AMZ1: variants seen among roughly 807,000 people sequenced by gnomAD.
AMZ1 encodes archaemetzincin-1.
In AMZ1, 39 loss-of-function variants were observed where a neutral mutation model predicts 29.9. That is an observed-to-expected ratio of 1.30 (90% confidence interval 1.01 to 1.70). The LOEUF (loss-of-function observed/expected upper bound fraction) is 1.70. Ranked by LOEUF, AMZ1 falls within the 40% of genes most tolerant of loss-of-function variation. The probability of loss-of-function intolerance (pLI) is 0.00; values close to 1 mark genes in which losing one functional copy is unlikely to be tolerated. For synonymous variants in AMZ1, 458 were observed against 304.0 expected, an observed-to-expected ratio of 1.51 and a Z score of -5.27; for missense variants, 1,041 against 680.6, an observed-to-expected ratio of 1.53 and a Z score of -5.89.
In AMZ1 at chr7:2,731,217, G is replaced by C; in HGVS notation, n.550+21401G>C. ...TGATGTCCTTCAGGTTCTCCTGCAG[G>C]ATGGTGTCTTTCACAGCATGGAACA... On this transcript the variant is annotated intron_variant and non_coding_transcript_variant, in intron 4 of 4. Transcript: ENST00000489665. The surrounding 1 kb of genome is among the most constrained non-coding windows in gnomAD (Gnocchi z 6.0). 6.2e-7 allele frequency: 1 copy of C among 1,613,180 alleles called. No individual in the cohort carries two copies. The highest frequency in any genetic ancestry group is 8.5e-7 in the Non-Finnish European group (1 of 1,179,586).
downstream of AMZ1, among the ~76,000 whole-genome samples, chr7:2,720,666 G>A (rs1789380184): frequency 6.6e-6 from 1 of 151,918 alleles, no homozygotes; most frequent in Non-Finnish European, 1.5e-5. Context: ...CTCCCAAAAT[G>A]CTGGGATTAT....
rs11769575 is a variant in AMZ1, at chr7:2,714,033, T to G, written c.*1155T>G. 19,545 of 152,258 alleles carry G rather than the reference T, an allele frequency of 0.13. 1,298 individuals carry two copies. The highest frequency in any genetic ancestry group is 0.16 in the South Asian group (776 of 4,830). 9.4% of individuals were successfully genotyped at this position (152,258 alleles called of 1,614,324 possible). ...TTTGCTTCCTGCACTTTGAAGCTCC[T>G]TTACGTCCCTGCACATTTGATTGTT... On this transcript the variant is annotated 3_prime_UTR_variant, in exon 7 of 7. Coordinates refer to ENST00000683327, the MANE Select transcript of AMZ1 (RefSeq NM_001384743.1).
intron 4 of AMZ1, among the ~76,000 whole-genome samples, chr7:2,734,603 T>A (rs1269107114): frequency 6.6e-6 from 1 of 152,214 alleles, no homozygotes; most frequent in Admixed American, 6.5e-5. Context: ...CTGCTCAGTC[T>A]ATCTCTTCCT....
chr7:2,747,468 A>G (rs1392882863), intron 4 of AMZ1, among the ~76,000 whole-genome samples: 1 of 152,242 alleles, frequency 6.6e-6, no homozygotes, highest in Non-Finnish European at 1.5e-5. Context: ...ACAAAATTCA[A>G]CAACCTTCAT....
downstream of AMZ1, among the ~76,000 whole-genome samples, chr7:2,723,370 G>T (rs116816714): frequency 1.3e-3 from 199 of 152,366 alleles, 2 homozygotes; most frequent in African/African-American, 4.4e-3. Context: ...AACTTCATTC[G>T]TGTGATTTCC....
rs11763369 is a variant in AMZ1 at position 2,711,947 on chromosome 7, C to A, written c.949-383C>A. Reference sequence around the variant, plus strand: ...GTAAAATCCCTGCTACTCAGGAGGCCAACGCAGGAGAATTGCTTGAACCTG... The same window carrying A: ...GTAAAATCCCTGCTACTCAGGAGGCAAACGCAGGAGAATTGCTTGAACCTG... On this transcript the variant is annotated intron_variant, in intron 6 of 6. Coordinates refer to ENST00000683327, the MANE Select transcript of AMZ1 (RefSeq NM_001384743.1). 8.2e-3 allele frequency among the ~76,000 whole-genome samples: 1,250 copies of A among 151,978 alleles called. 15 individuals are homozygous for A. The highest frequency in any genetic ancestry group is 0.024 in the South Asian group (115 of 4,814).
chr7:2,749,813 A>G (rs936529531), intron 4 of AMZ1, among the ~76,000 whole-genome samples: 11 of 152,300 alleles, frequency 7.2e-5, no homozygotes, highest in Admixed American at 3.3e-4. Flanking sequence ...GAGAGGAAAG[A>G]ATCAGTGACC....
chr7:2,721,474 T>C (rs778996632), downstream of AMZ1, among the ~76,000 whole-genome samples: 1 of 152,088 alleles, frequency 6.6e-6, no homozygotes, highest in African/African-American at 2.4e-5. Flanking sequence ...CCCAGCACTT[T>C]GGGAGGCTGA....
intron 4 of AMZ1, among the ~76,000 whole-genome samples, chr7:2,740,149 TG>T (rs1790425884): frequency 6.6e-6 from 1 of 152,176 alleles, no homozygotes; most frequent in Non-Finnish European, 1.5e-5. Flanking sequence ...AGCTGTGAAA[TG>T]GCACTCCAGT....
chr7:2,733,948 C>T lies in AMZ1; in HGVS notation n.550+24132C>T, dbSNP rs114748895. 1.3e-3 allele frequency among the ~76,000 whole-genome samples: 199 copies of T among 152,360 alleles called. 2 individuals are homozygous for T. The highest frequency in any genetic ancestry group is 4.4e-3 in the African/African-American group (185 of 41,586). The stretch of plus-strand genomic sequence containing the variant: ...CAAGACATTGTCCTTAAAGACAAAA[C>T]ATCCTGACGAAAAGGAGCATCTAGC... On this transcript the variant is annotated intron_variant and non_coding_transcript_variant, in intron 4 of 4. Coordinates refer to the AMZ1 transcript ENST00000489665.
chr7:2,748,874 A>C (rs1251090760), intron 4 of AMZ1, among the ~76,000 whole-genome samples: 1 of 152,248 alleles, frequency 6.6e-6, no homozygotes, highest in South Asian at 2.1e-4. Context: ...ACTTCTCAAA[A>C]AAAGACATTT....
chr7:2,704,856 A>G (rs1462884343), intron 3 of AMZ1, among the ~76,000 whole-genome samples: 8 of 152,058 alleles, frequency 5.3e-5, no homozygotes, highest in Admixed American at 5.2e-4. Context: ...TCGGTCTCCC[A>G]AAGTGCTGGG....
chr7:2,747,088 G>T (rs1239780486), intron 4 of AMZ1, among the ~76,000 whole-genome samples: 1 of 152,258 alleles, frequency 6.6e-6, no homozygotes, highest in Non-Finnish European at 1.5e-5. Context: ...TTCTACCAGA[G>T]GTACAAGGAG....
chr7:2,691,131 CA>C (rs35603123), intron 1 of AMZ1, among the ~76,000 whole-genome samples: 1,332 of 68,718 alleles, frequency 0.019, 14 homozygotes, highest in Non-Finnish European at 0.025. Context: ...GTGACAGAGG[CA>C]AAAAAAAAAA....
intron 5 of AMZ1, 75 bp downstream of exon 5, chr7:2,709,319 C>T (rs1029239794): frequency 1.3e-4 from 178 of 1,379,822 alleles, no homozygotes; most frequent in Non-Finnish European, 1.6e-4. Flanking sequence ...CGGTCTGTTA[C>T]ACTGCCCCAT....
upstream of AMZ1, among the ~76,000 whole-genome samples, chr7:2,761,391 T>G (rs78799698): frequency 0.012 from 1,859 of 152,324 alleles, 49 homozygotes; most frequent in African/African-American, 0.042. Context: ...ACCAGACATC[T>G]GTGCCACACA....
intron 1 of AMZ1, among the ~76,000 whole-genome samples, chr7:2,680,445 G>A (rs1425788702): frequency 6.6e-6 from 1 of 152,178 alleles, no homozygotes; most frequent in East Asian, 1.9e-4. Flanking sequence ...CAGGAGCCCA[G>A]ACATGCAGCC....
At chr7:2,710,665 A>G (rs1788716374) in intron 6 of AMZ1, among the ~76,000 whole-genome samples, 1 of 152,186 alleles carries the variant, frequency 6.6e-6, no homozygotes, top group South Asian at 2.1e-4. Flanking sequence ...CAGTGCTGGA[A>G]TCTCTCTGCA....
chr7:2,734,284 C>G (rs1790048119), intron 4 of AMZ1, among the ~76,000 whole-genome samples: 1 of 152,188 alleles, frequency 6.6e-6, no homozygotes, highest in Admixed American at 6.5e-5. Context: ...TGAACAGGCA[C>G]GCAATGAGTC....
Sources: allele counts gnomAD v4.1 joint callset (sites outside exome capture counted in the v4.1 genomes callset), GRCh38; gene constraint gnomAD v4.1.1; non-coding constraint Gnocchi (gnomAD v3.1); transcripts MANE v1.5; gene names NCBI Gene and HGNC (gene_info 2026-07-23, HGNC 2026-07-21).